BCR: variants seen among roughly 807,000 people sequenced by gnomAD.
BCR encodes BCR activator of RhoGEF and GTPase, also known as breakpoint cluster region protein.
A neutral mutation model predicts 138.6 loss-of-function variants in BCR; 58 were observed. The observed-to-expected ratio is 0.42, with a 90% CI of 0.34 to 0.52. The LOEUF is 0.52. Ranked by LOEUF, BCR falls within the 20% of genes least tolerant of loss-of-function variation. The pLI is 0.06. For synonymous variants in BCR, 786 were observed against 730.1 expected (o/e 1.08, Z -1.23); for missense variants, 1,599 against 1,727.2 (o/e 0.93, Z 1.32).
intron 2 of BCR, among the ~76,000 whole-genome samples, chr22:23,254,736 C>G (rs1407935814): frequency 6.6e-6 from 1 of 152,204 alleles, no homozygotes. Flanking sequence ...TGGTGCATGT[C>G]CCCCCACTTG....
At chr22:23,293,861 A>C (rs917243745) in intron 15 of BCR, among the ~76,000 whole-genome samples, 9 of 133,620 alleles carry the variant, frequency 6.7e-5, no homozygotes, top group Admixed American at 8.2e-5. Context: ...TTCTTCCCGC[A>C]CCCTCCTCCA....
At chr22:23,198,471 T>TA (rs1480023604) in intron 1 of BCR, 2 of 349,556 alleles carry the variant, frequency 5.7e-6, no homozygotes, top group Admixed American at 8.8e-5. Flanking sequence ...ATCAGGGTGA[T>TA]ATGGCTTTGC....
At chr22:23,204,360 T>A (rs2072587978) in intron 1 of BCR, among the ~76,000 whole-genome samples, 1 of 152,198 alleles carries the variant, frequency 6.6e-6, no homozygotes, top group South Asian at 2.1e-4. Context: ...ATGATGAAGC[T>A]GAATGGCAGC....
chr22:23,235,489 G>A (rs2073013047), intron 1 of BCR, among the ~76,000 whole-genome samples: 1 of 144,618 alleles, frequency 6.9e-6, no homozygotes, highest in South Asian at 2.3e-4. Context: ...AGAGAAAGAT[G>A]TATATTCCCA....
intron 18 of BCR, among the ~76,000 whole-genome samples, chr22:23,310,899 T>A (rs2074000118): frequency 6.6e-6 from 1 of 150,816 alleles, no homozygotes; most frequent in African/African-American, 2.4e-5. Flanking sequence ...CCATCAGTCA[T>A]ACCCTGGACT....
At chr22:23,215,446 G>A (rs541230595) in intron 1 of BCR, among the ~76,000 whole-genome samples, 64 of 152,352 alleles carry the variant, frequency 4.2e-4, no homozygotes, top group African/African-American at 1.3e-3. Context: ...GAATGTAGCA[G>A]GTTACTTGAT....
At chr22:23,239,691 A>G (rs896698872) in intron 1 of BCR, among the ~76,000 whole-genome samples, 4 of 152,202 alleles carry the variant, frequency 2.6e-5, no homozygotes, top group African/African-American at 9.7e-5. Flanking sequence ...ATCATCTCAC[A>G]GTTCTGACGA....
intron 4 of BCR, among the ~76,000 whole-genome samples, chr22:23,266,349 A>G (rs887105914): frequency 1.3e-5 from 2 of 151,398 alleles, no homozygotes; most frequent in East Asian, 1.9e-4. Flanking sequence ...TCAGCCTCCC[A>G]AAGTACTGGG....
intron 2 of BCR, among the ~76,000 whole-genome samples, chr22:23,256,459 A>G (rs963110196): frequency 1.3e-5 from 2 of 152,116 alleles, no homozygotes; most frequent in Non-Finnish European, 2.9e-5. Context: ...GACCCTGTAC[A>G]GAGGCCAGCC....
intron 1 of BCR, among the ~76,000 whole-genome samples, chr22:23,209,712 T>A (rs1329091649): frequency 6.6e-6 from 1 of 151,890 alleles, no homozygotes; most frequent in African/African-American, 2.4e-5. Flanking sequence ...CCTGGCTAAT[T>A]TTTTGTATTT....
intron 2 of BCR, chr22:23,260,743 C>G (rs1568959652): frequency 1.8e-6 from 1 of 550,348 alleles, no homozygotes; most frequent in Non-Finnish European, 3.3e-6. Context: ...GCCAGATGAC[C>G]CCCCTCCCCG....
chr22:23,226,323 AGAGAGT>A (rs768028142), intron 1 of BCR, among the ~76,000 whole-genome samples: 234 of 51,656 alleles, frequency 4.5e-3, no homozygotes, highest in African/African-American at 0.012. Flanking sequence ...AGAGAGAGAG[AGAGAGT>A]GTGTGTGTGT....
chr22:23,291,983 G>A (rs1025302065), intron 14 of BCR, among the ~76,000 whole-genome samples: 42 of 152,126 alleles, frequency 2.8e-4, no homozygotes, highest in Admixed American at 4.6e-4. Context: ...GCAACTTACC[G>A]CCCACAGCCC....
intron 1 of BCR, among the ~76,000 whole-genome samples, chr22:23,182,613 G>A (rs774604931): frequency 6.8e-4 from 104 of 152,326 alleles, no homozygotes; most frequent in Admixed American, 2.9e-3. Context: ...CATAAAAGCC[G>A]GAGTCATCTC....
At chr22:23,252,430 T>TC (rs1457657677) in intron 1 of BCR, among the ~76,000 whole-genome samples, 2 of 138,608 alleles carry the variant, frequency 1.4e-5, no homozygotes, top group East Asian at 2.0e-4. Flanking sequence ...TTCTTTTCTT[T>TC]TCTTTTTTTT....
intron 1 of BCR, among the ~76,000 whole-genome samples, chr22:23,236,682 G>T (rs1398399675): frequency 1.3e-5 from 2 of 152,268 alleles, no homozygotes; most frequent in Non-Finnish European, 2.9e-5. Context: ...CTGTGTTCCT[G>T]ACGTTGGCCT....
intron 16 of BCR, among the ~76,000 whole-genome samples, chr22:23,297,089 G>A (rs1048734935): frequency 6.6e-5 from 10 of 152,100 alleles, no homozygotes; most frequent in African/African-American, 1.7e-4. Context: ...CCAGGCTGGC[G>A]TGCAATGGCA....
chr22:23,181,425 G>C lies in BCR; in HGVS notation c.465G>C (p.Arg155Ser). ...CCCCCGCCAGCGTGGCGGCGCTCAG[G>C]TCCAACTTCGAGCGGATCCGCAAGG... ...RGPPASVAAL[R>S]SNFERIRKGH... Residue 155 changes from arginine to serine, a missense_variant, in exon 1 of 23, where the codon AGG becomes AGC. This residue lies in a region of BCR where 806 missense variants were observed against 635.0 expected (regional missense o/e 1.27). Transcript: ENST00000305877. 1 of 1,591,720 alleles carries C rather than the reference G, an allele frequency of 6.3e-7. No individual in the cohort carries two copies. The highest frequency in any genetic ancestry group is 8.6e-7 in the Non-Finnish European group (1 of 1,166,796).
chr22:23,240,374 G>A (rs1007743662), intron 1 of BCR, among the ~76,000 whole-genome samples: 131 of 151,364 alleles, frequency 8.7e-4, no homozygotes, highest in South Asian at 2.1e-3. Flanking sequence ...TACATAGGCC[G>A]GGCGCGGTGG....
Sources: allele counts gnomAD v4.1 joint callset (sites outside exome capture counted in the v4.1 genomes callset), GRCh38; gene constraint gnomAD v4.1.1; regional missense constraint gnomAD v4.1.1; transcripts MANE v1.5; gene names NCBI Gene and HGNC (gene_info 2026-07-23, HGNC 2026-07-21).